Variants in DIAPH2 observed in about 807,000 individuals in gnomAD.
DIAPH2 encodes the protein diaphanous related formin 2, also known as protein diaphanous homolog 2.
DIAPH2 carries 35 observed loss-of-function variants against 92.7 expected under a neutral mutation model. The observed-to-expected ratio is 0.38, with a 90% CI of 0.29 to 0.50. The LOEUF (loss-of-function observed/expected upper bound fraction) is 0.50. DIAPH2 is among the 20% of genes least tolerant of loss of function. DIAPH2 has a pLI of 0.94. For missense variants in DIAPH2, 701 were observed against 819.5 expected, an observed-to-expected ratio of 0.86 and a Z score of 1.77; for synonymous variants, 301 against 280.4, an observed-to-expected ratio of 1.07 and a Z score of -0.73.
chrX:96,707,962 A>C (rs1278277443), intron 1 of DIAPH2, among the ~76,000 whole-genome samples: 1 of 111,424 alleles, frequency 9.0e-6, no homozygotes, highest in Non-Finnish European at 1.9e-5. Flanking sequence ...TTAGGTTCCC[A>C]GGGTAGCTCA....
intron 22 of DIAPH2, among the ~76,000 whole-genome samples, chrX:97,170,916 A>C (rs1410026839): frequency 9.1e-6 from 1 of 109,307 alleles, no homozygotes; most frequent in African/African-American, 3.3e-5. Flanking sequence ...TCGCTCTGTT[A>C]TTTAAGCTGG....
At chrX:96,775,129 G>A (rs1269629708) in intron 4 of DIAPH2, among the ~76,000 whole-genome samples, 1 of 110,607 alleles carries the variant, frequency 9.0e-6, no homozygotes, top group East Asian at 2.8e-4. Context: ...TATTTCTGCT[G>A]AGGACCGTTG....
At chrX:97,455,546 A>G (rs750651368) in intron 26 of DIAPH2, among the ~76,000 whole-genome samples, 41 of 112,230 alleles carry the variant, frequency 3.7e-4, no homozygotes, top group Non-Finnish European at 6.4e-4. Context: ...TATTCAAGCT[A>G]TTGGGGAAGT....
intron 9 of DIAPH2, among the ~76,000 whole-genome samples, chrX:96,919,068 G>A (rs372297249): frequency 4.5e-5 from 5 of 111,945 alleles, no homozygotes; most frequent in South Asian, 3.7e-4. Context: ...TTAGGTTAGC[G>A]TTAATTTGAT....
intron 14 of DIAPH2, among the ~76,000 whole-genome samples, chrX:96,947,284 T>C (rs2065743937): frequency 9.0e-6 from 1 of 111,452 alleles, no homozygotes; most frequent in African/African-American, 3.3e-5. Context: ...ATAGTGTGCT[T>C]GTGTAGGTGC....
intron 4 of DIAPH2, among the ~76,000 whole-genome samples, chrX:96,815,813 C>T (rs771413649): frequency 2.2e-4 from 25 of 111,335 alleles, no homozygotes; most frequent in East Asian, 8.5e-4. Context: ...TACAGGTGCA[C>T]GCTGCCACAT....
Position 96,905,267 on chromosome X carries a change from A to G in DIAPH2, c.588-7061A>G, listed in dbSNP as rs185021450. Among the ~76,000 whole-genome samples the G allele has an allele frequency of 2.5e-4, 28 of 111,958 alleles. No individual in the cohort carries two copies. In the East Asian group the frequency reaches 7.8e-3, roughly 31 times the overall value. Reference sequence around the variant, plus strand: ...CTATTTTCTATTATATCTTCATTGTATATAGCATACTGAACTCATCTGTTC... The same window carrying G: ...CTATTTTCTATTATATCTTCATTGTGTATAGCATACTGAACTCATCTGTTC... On this transcript the variant is annotated intron_variant, in intron 5 of 26. Transcript: ENST00000324765.
At chrX:96,870,879 T>G (rs1251749327) in intron 4 of DIAPH2, among the ~76,000 whole-genome samples, 3 of 112,184 alleles carry the variant, frequency 2.7e-5, no homozygotes, top group Non-Finnish European at 5.6e-5. Context: ...TAGGATACAT[T>G]TATAATCTGC....
chrX:97,432,154 A>C (rs2147778843), intron 26 of DIAPH2, among the ~76,000 whole-genome samples: 1 of 112,293 alleles, frequency 8.9e-6, no homozygotes, highest in South Asian at 3.7e-4. Context: ...CTAAAATCAG[A>C]GTCAACCACA....
chrX:96,983,615 G>A (rs1008970483), intron 17 of DIAPH2, among the ~76,000 whole-genome samples: 6 of 110,905 alleles, frequency 5.4e-5, no homozygotes, highest in African/African-American at 2.0e-4. Context: ...TTTTCAAAAG[G>A]CAAGTCAATA....
intron 23 of DIAPH2, among the ~76,000 whole-genome samples, chrX:97,321,276 T>C (rs746764475): frequency 9.0e-6 from 1 of 110,880 alleles, no homozygotes; most frequent in East Asian, 2.8e-4. Context: ...ATGTGAAATA[T>C]AGCATTACTG....
chrX:96,854,066 G>A (rs190128195), intron 4 of DIAPH2, among the ~76,000 whole-genome samples: 113 of 111,360 alleles, frequency 1.0e-3, no homozygotes, highest in Admixed American at 1.8e-3. Context: ...GTCATCTTAC[G>A]TGATGTATGA....
intron 21 of DIAPH2, among the ~76,000 whole-genome samples, chrX:97,138,056 C>A (rs2067185300): frequency 9.0e-6 from 1 of 111,640 alleles, no homozygotes; most frequent in African/African-American, 3.3e-5. Flanking sequence ...AGGCTTACAT[C>A]TCATCAGAAG....
chrX:97,299,253 G>A (rs1179119797), intron 23 of DIAPH2, among the ~76,000 whole-genome samples: 1 of 111,366 alleles, frequency 9.0e-6, no homozygotes, highest in Non-Finnish European at 1.9e-5. Flanking sequence ...TTATTGGTAA[G>A]GCCTTGAACT....
intron 23 of DIAPH2, among the ~76,000 whole-genome samples, chrX:97,254,776 T>C (rs1345397338): frequency 9.1e-6 from 1 of 109,404 alleles, no homozygotes. Flanking sequence ...CAGGCTGGAG[T>C]GCAGTGGTAC....
chrX:97,598,866 T>C (rs1240861225), intron 26 of DIAPH2, among the ~76,000 whole-genome samples: 1 of 112,251 alleles, frequency 8.9e-6, no homozygotes, highest in Non-Finnish European at 1.9e-5. Context: ...GTAGCCAACA[T>C]ACAGATTGAA....
chrX:97,553,341 G>T, intron 26 of DIAPH2, among the ~76,000 whole-genome samples: 1 of 111,522 alleles, frequency 9.0e-6, no homozygotes, highest in East Asian at 2.8e-4. Context: ...CAGAGAATTG[G>T]ATGTTGTTCA....
chrX:96,960,620 G>A (rs758456039), intron 16 of DIAPH2, among the ~76,000 whole-genome samples: 3 of 111,161 alleles, frequency 2.7e-5, no homozygotes, highest in Non-Finnish European at 3.8e-5. Flanking sequence ...CTCTGGCTAG[G>A]ACTTCCAGTA....
rs965047948 is a variant in DIAPH2 at position 97,584,376 on chromosome X, A to G, written c.3242-14877A>G. ...TAATCGACTTAGACTTACTTTTAAT[A>G]TATTGTTGCTTAAATATAAAAATAG... On this transcript the variant is annotated intron_variant, in intron 26 of 26. Transcript: ENST00000324765. Among the ~76,000 whole-genome samples the G allele has an allele frequency of 3.8e-4, 43 of 112,208 alleles. No homozygotes were observed. In the Admixed American group the frequency reaches 4.0e-3, roughly 10 times the overall value.
Sources: gnomAD v4.1 joint callset for allele counts (sites outside exome capture counted in the v4.1 genomes callset) on GRCh38, gnomAD v4.1.1 for gene constraint, MANE v1.5 for transcripts, NCBI Gene and HGNC (gene_info 2026-07-23, HGNC 2026-07-21) for gene names.